The following RBFOX1 variants were observed in gnomAD, a reference collection of about 807,000 sequenced individuals.
RBFOX1 encodes the protein RNA binding fox-1 homolog 1.
RBFOX1 carries 8 observed loss-of-function variants against 57.7 expected under a neutral mutation model. The ratio of observed to expected loss-of-function variants is 0.14; its 90% CI spans 0.08 to 0.25. The LOEUF is 0.25. RBFOX1 is among the 10% of genes least tolerant of loss of function. The pLI is 1.00. For synonymous variants in RBFOX1, 326 were observed against 222.4 expected, an observed-to-expected ratio of 1.47 and a Z score of -4.15; for missense variants, 611 against 548.5, an observed-to-expected ratio of 1.11 and a Z score of -1.14.
intron 4 of RBFOX1, among the ~76,000 whole-genome samples, chr16:7,243,937 T>G (rs1323661859): frequency 6.6e-6 from 1 of 151,734 alleles, no homozygotes; most frequent in Non-Finnish European, 1.5e-5. Flanking sequence ...AAGAGATTCA[T>G]TAAACCTCTG....
At chr16:7,061,933 G>C (rs1445366348) in intron 4 of RBFOX1, among the ~76,000 whole-genome samples, 2 of 152,112 alleles carry the variant, frequency 1.3e-5, no homozygotes, top group African/African-American at 4.8e-5. Flanking sequence ...CCAGTTGGGG[G>C]TAGGAAGGGG....
chr16:6,869,345 G>A (rs903302110), intron 3 of RBFOX1, among the ~76,000 whole-genome samples: 1 of 152,120 alleles, frequency 6.6e-6, no homozygotes, highest in Non-Finnish European at 1.5e-5. Flanking sequence ...GAGGGTCACT[G>A]TTCACAAATC....
intron 4 of RBFOX1, among the ~76,000 whole-genome samples, chr16:7,267,868 A>AT (rs1346146692): frequency 6.6e-6 from 1 of 152,208 alleles, no homozygotes; most frequent in Admixed American, 6.5e-5. Context: ...AAATTAATTA[A>AT]TTAAACCTTC....
rs1036795420 is a variant in RBFOX1 at position 6,968,386 on chromosome 16, G to A, written c.-15-83671G>A. On this transcript the variant is annotated intron_variant, in intron 3 of 15. Transcript: ENST00000550418. ...TCACTTATTTTTCCTCCTTCATCAG[G>A]CATTTTAATACTGTCTTTTTTTCCT... Among the ~76,000 whole-genome samples, 15 of 152,088 alleles carry A rather than the reference G, an allele frequency of 9.9e-5. No individual in the cohort carries two copies. The East Asian group carries it at 1.5e-3, about 16-fold the overall frequency.
chr16:6,001,708 A>G (rs2060602733), intron 4 of RBFOX1, among the ~76,000 whole-genome samples: 1 of 152,218 alleles, frequency 6.6e-6, no homozygotes, highest in South Asian at 2.1e-4. Context: ...ACATTAATTT[A>G]AATAAGGAAA....
chr16:6,166,281 G>C (rs1223150393), intron 1 of RBFOX1, among the ~76,000 whole-genome samples: 2 of 152,024 alleles, frequency 1.3e-5, no homozygotes, highest in Non-Finnish European at 2.9e-5. Context: ...ATGCACATAA[G>C]GACTCTCTGG....
intron 4 of RBFOX1, among the ~76,000 whole-genome samples, chr16:7,217,838 C>T (rs1239022400): frequency 6.6e-6 from 1 of 152,284 alleles, no homozygotes; most frequent in African/African-American, 2.4e-5. Flanking sequence ...ATTGTCACTA[C>T]TCACTGCATG....
At chr16:6,360,589 T>C (rs559728198) in intron 2 of RBFOX1, among the ~76,000 whole-genome samples, 1 of 152,376 alleles carries the variant, frequency 6.6e-6, no homozygotes, top group East Asian at 1.9e-4. Context: ...AATATTATTA[T>C]GGAGCTGTAA....
At chr16:7,503,943 G>T (rs1459538142) in intron 4 of RBFOX1, among the ~76,000 whole-genome samples, 1 of 152,176 alleles carries the variant, frequency 6.6e-6, no homozygotes, top group Non-Finnish European at 1.5e-5. Flanking sequence ...GAGCTTTCTG[G>T]TCTTGACTGT....
intron 4 of RBFOX1, among the ~76,000 whole-genome samples, chr16:5,955,828 A>G (rs1258440392): frequency 6.6e-6 from 1 of 152,238 alleles, no homozygotes; most frequent in African/African-American, 2.4e-5. Context: ...ACTAATATAT[A>G]TGACATGTTA....
intron 2 of RBFOX1, among the ~76,000 whole-genome samples, chr16:5,477,251 A>G (rs1056647545): frequency 2.6e-5 from 4 of 151,916 alleles, no homozygotes; most frequent in Non-Finnish European, 4.4e-5. Context: ...TGGTGCCTGT[A>G]TTTTTTTTCC....
chr16:5,285,392 T>C (rs2063368011), intron 1 of RBFOX1, among the ~76,000 whole-genome samples: 1 of 152,208 alleles, frequency 6.6e-6, no homozygotes, highest in Admixed American at 6.5e-5. Context: ...ATCTGTGTTC[T>C]CTTATATCTC....
chr16:5,678,532 C>A (rs930949819), intron 3 of RBFOX1, among the ~76,000 whole-genome samples: 15 of 152,132 alleles, frequency 9.9e-5, no homozygotes, highest in Admixed American at 2.6e-4. Context: ...AAGTTAGAAC[C>A]CGGTTCCTAA....
chr16:7,193,616 A>G lies in RBFOX1; in HGVS notation c.27+141518A>G, dbSNP rs561996857. Among the ~76,000 whole-genome samples, 10 of 152,282 alleles carry G rather than the reference A, an allele frequency of 6.6e-5. No individual in the cohort carries two copies. In the East Asian group the frequency reaches 7.7e-4, roughly 12 times the overall value. ...CTTGATCCAATGAGGCAGGTACTAC[A>G]TTGTGTATTCTGCTTTATAACTGAG... On this transcript the variant is annotated intron_variant, in intron 4 of 15. Transcript: ENST00000550418.
At chr16:7,579,085 T>C (rs964013950) in intron 5 of RBFOX1, among the ~76,000 whole-genome samples, 1 of 152,212 alleles carries the variant, frequency 6.6e-6, no homozygotes, top group African/African-American at 2.4e-5. Context: ...TCTTGAGCGC[T>C]TGAAATGCAG....
intron 4 of RBFOX1, among the ~76,000 whole-genome samples, chr16:7,427,592 CTCTT>C (rs956445549): frequency 9.9e-5 from 15 of 151,498 alleles, no homozygotes; most frequent in Admixed American, 2.0e-4. Context: ...GCTAATTTAA[CTCTT>C]TCTTTCTTTT....
intron 5 of RBFOX1, among the ~76,000 whole-genome samples, chr16:7,566,010 G>A (rs1247255826): frequency 3.9e-5 from 6 of 152,120 alleles, no homozygotes; most frequent in South Asian, 2.1e-4. Context: ...CTTGCCGAGC[G>A]CCTACTATGT....
At chr16:7,280,978 TC>T (rs2095531110) in intron 4 of RBFOX1, among the ~76,000 whole-genome samples, 3 of 26,888 alleles carry the variant, frequency 1.1e-4, no homozygotes, top group Non-Finnish European at 1.6e-4. Context: ...CCTCCCTCCC[TC>T]CCTCCCTCCC....
intron 1 of RBFOX1, among the ~76,000 whole-genome samples, chr16:6,021,252 G>A (rs936454171): frequency 6.6e-6 from 1 of 152,058 alleles, no homozygotes; most frequent in Non-Finnish European, 1.5e-5. Context: ...GCCTGGCCTT[G>A]ACAGCCCAAG....
Sources: gnomAD v4.1 joint callset for allele counts (sites outside exome capture counted in the v4.1 genomes callset) on GRCh38, gnomAD v4.1.1 for gene constraint, MANE v1.5 for transcripts, NCBI Gene and HGNC (gene_info 2026-07-23, HGNC 2026-07-21) for gene names.